OPCML: variants seen among roughly 807,000 people sequenced by gnomAD.
The protein encoded by OPCML is opioid-binding protein/cell adhesion molecule.
In OPCML, 13 loss-of-function variants were observed where a neutral mutation model predicts 37.8. That is an observed-to-expected ratio of 0.34 (90% CI 0.22 to 0.55). The LOEUF is 0.55. OPCML is among the 20% of genes least tolerant of loss of function. The pLI is 0.91. For synonymous variants in OPCML, 176 were observed against 168.8 expected (o/e 1.04, Z -0.33); for missense variants, 341 against 435.6 (o/e 0.78, Z 1.93).
At chr11:133,357,113 G>T (rs780008953) in intron 1 of OPCML, among the ~76,000 whole-genome samples, 5 of 152,192 alleles carry the variant, frequency 3.3e-5, no homozygotes, top group Non-Finnish European at 7.3e-5. Flanking sequence ...CCTAGAACCA[G>T]CTCAGACTGG....
intron 1 of OPCML, among the ~76,000 whole-genome samples, chr11:133,197,816 C>A (rs147428022): frequency 6.6e-6 from 1 of 152,116 alleles, no homozygotes; most frequent in Non-Finnish European, 1.5e-5. Context: ...AAGCGTGATC[C>A]GAGTAGGACG....
At chr11:132,480,057 G>C (rs373991502) in intron 4 of OPCML, among the ~76,000 whole-genome samples, 1 of 152,236 alleles carries the variant, frequency 6.6e-6, no homozygotes, top group South Asian at 2.1e-4. Flanking sequence ...GGCTTCAGAC[G>C]ATCAAATTAC....
intron 1 of OPCML, among the ~76,000 whole-genome samples, chr11:133,171,429 C>T (rs1321101233): frequency 3.3e-5 from 5 of 152,240 alleles, no homozygotes; most frequent in African/African-American, 1.2e-4. Flanking sequence ...CATCAGTCCC[C>T]TCTCAGCTGG....
chr11:133,280,632 T>A (rs1592163278), intron 1 of OPCML, among the ~76,000 whole-genome samples: 1 of 152,300 alleles, frequency 6.6e-6, no homozygotes, highest in Middle Eastern at 3.4e-3. Context: ...ATGTCCTGTG[T>A]CTTTTAGCAG....
chr11:133,347,663 A>G (rs193190561), intron 1 of OPCML, among the ~76,000 whole-genome samples: 4 of 152,354 alleles, frequency 2.6e-5, no homozygotes, highest in Admixed American at 6.5e-5. Context: ...GTATTTGGAC[A>G]TAGCAGCATG....
At chr11:132,479,013 T>C (rs1287726304) in intron 4 of OPCML, among the ~76,000 whole-genome samples, 2 of 152,024 alleles carry the variant, frequency 1.3e-5, no homozygotes, top group Non-Finnish European at 2.9e-5. Context: ...ACAGAATTAG[T>C]TCTTAATAGG....
intron 1 of OPCML, among the ~76,000 whole-genome samples, chr11:133,252,840 G>A (rs942736940): frequency 6.6e-6 from 1 of 152,090 alleles, no homozygotes; most frequent in Admixed American, 6.5e-5. Context: ...TGAATCCCAG[G>A]TTCTACTATA....
chr11:133,507,711 G>C lies in OPCML; in HGVS notation c.61+24553C>G, dbSNP rs556497427. ...TGTAATCCCAGCACTTTGGGAGGCC[G>C]AGGCGGGCGGACCACCTGAGGTCAG... On this transcript the variant is annotated intron_variant, in intron 1 of 7. Coordinates refer to ENST00000524381, the MANE Select transcript of OPCML (RefSeq NM_001012393.5). Among the ~76,000 whole-genome samples, 8 of 152,082 alleles carry C rather than the reference G, an allele frequency of 5.3e-5. No individual in the cohort carries two copies. The East Asian group carries it at 1.4e-3, about 26-fold the overall frequency.
intron 1 of OPCML, among the ~76,000 whole-genome samples, chr11:133,235,435 T>C (rs898185506): frequency 4.0e-5 from 6 of 151,134 alleles, no homozygotes; most frequent in African/African-American, 1.2e-4. Flanking sequence ...GGCAGGGAAA[T>C]AAAATACAAG....
chr11:132,475,785 C>A (rs1003219872), intron 4 of OPCML, among the ~76,000 whole-genome samples: 1 of 152,152 alleles, frequency 6.6e-6, no homozygotes, highest in South Asian at 2.1e-4. Context: ...CCTTTCAGCA[C>A]AGAAAACTCA....
At chr11:133,220,093 A>G (rs902512306) in intron 1 of OPCML, among the ~76,000 whole-genome samples, 4 of 152,146 alleles carry the variant, frequency 2.6e-5, no homozygotes, top group Non-Finnish European at 5.9e-5. Context: ...ACTGTTGAGG[A>G]AGCTTCAACA....
chr11:133,202,273 T>C (rs1031285953), intron 1 of OPCML, among the ~76,000 whole-genome samples: 6 of 152,186 alleles, frequency 3.9e-5, no homozygotes, highest in Admixed American at 1.3e-4. Context: ...TGGCCAGTCC[T>C]ACCTGTCCGC....
intron 2 of OPCML, among the ~76,000 whole-genome samples, chr11:132,871,534 C>T (rs760670557): frequency 3.9e-5 from 6 of 152,152 alleles, no homozygotes; most frequent in Non-Finnish European, 7.3e-5. Context: ...CTTGAGCATT[C>T]CTGGATTTGG....
intron 2 of OPCML, among the ~76,000 whole-genome samples, chr11:132,748,037 T>C (rs1183221662): frequency 6.6e-6 from 1 of 151,538 alleles, no homozygotes; most frequent in African/African-American, 2.4e-5. Flanking sequence ...CATTCTATTA[T>C]GTTATTTTAT....
At chr11:132,936,786 C>T (rs544898072) in intron 2 of OPCML, among the ~76,000 whole-genome samples, 9 of 152,164 alleles carry the variant, frequency 5.9e-5, no homozygotes, top group African/African-American at 2.2e-4. Context: ...ACAACAAGGG[C>T]CTGAGAACGG....
chr11:133,480,508 T>G (rs977171515), intron 1 of OPCML, among the ~76,000 whole-genome samples: 2 of 152,172 alleles, frequency 1.3e-5, no homozygotes, highest in African/African-American at 4.8e-5. Flanking sequence ...AGAGCCACAG[T>G]GTCTGGTTTA....
chr11:133,271,203 T>C (rs1458727606), intron 1 of OPCML, among the ~76,000 whole-genome samples: 1 of 152,192 alleles, frequency 6.6e-6, no homozygotes, highest in African/African-American at 2.4e-5. Flanking sequence ...TCAAAACATT[T>C]TTATAGAGAT....
At chr11:132,490,509 C>G (rs867525618) in intron 4 of OPCML, among the ~76,000 whole-genome samples, 1 of 151,556 alleles carries the variant, frequency 6.6e-6, no homozygotes, top group South Asian at 2.1e-4. Context: ...GCTTTATACT[C>G]AAATGCCTTC....
chr11:133,110,421 G>T (rs1949231760), intron 1 of OPCML, among the ~76,000 whole-genome samples: 2 of 152,258 alleles, frequency 1.3e-5, no homozygotes, highest in South Asian at 2.1e-4. Context: ...TTGGGAACTT[G>T]CTTGTTGTTG....
Sources: gnomAD v4.1 joint callset for allele counts (sites outside exome capture counted in the v4.1 genomes callset) on GRCh38, gnomAD v4.1.1 for gene constraint, MANE v1.5 for transcripts, NCBI Gene and HGNC (gene_info 2026-07-23, HGNC 2026-07-21) for gene names.